TBC1D1: variants seen among roughly 807,000 people sequenced by gnomAD.
TBC1D1 encodes TBC1 domain family member 1.
TBC1D1 carries 89 observed loss-of-function variants against 125.6 expected under a neutral mutation model. The ratio of observed to expected loss-of-function variants is 0.71; its 90% CI spans 0.60 to 0.85. The LOEUF is 0.85. TBC1D1 is among the 40% of genes least tolerant of loss of function. The pLI is 0.00. For missense variants in TBC1D1, 1,377 were observed against 1,469.2 expected, an observed-to-expected ratio of 0.94 and a Z score of 1.03; for synonymous variants, 565 against 564.1, an observed-to-expected ratio of 1.00 and a Z score of -0.02.
chr4:38,076,848 G>A (rs767248338), intron 12 of TBC1D1, among the ~76,000 whole-genome samples: 8 of 152,018 alleles, frequency 5.3e-5, no homozygotes, highest in South Asian at 2.1e-4. Flanking sequence ...TCCTGGGCCC[G>A]AGAGGGAAAA....
At chr4:38,052,724 G>GCA (rs1553926648) in intron 11 of TBC1D1, among the ~76,000 whole-genome samples, 8 of 59,958 alleles carry the variant, frequency 1.3e-4, no homozygotes, top group Admixed American at 6.2e-4. Context: ...GCGCGCGCGC[G>GCA]CGCGCACACA....
intron 14 of TBC1D1, among the ~76,000 whole-genome samples, chr4:38,097,567 C>T (rs1759578219): frequency 6.6e-6 from 1 of 152,170 alleles, no homozygotes; most frequent in African/African-American, 2.4e-5. Flanking sequence ...TGGTCTCGAT[C>T]TCCTGACCTC....
chr4:37,995,980 C>A lies in TBC1D1; in HGVS notation c.418-18529C>A. ...TTCTTCTCTTGCCTCTCTGTTTCTA[C>A]CTCATCCTTGGGTGGGGGTTCTGGG... On this transcript the variant is annotated intron_variant, in intron 2 of 19. Coordinates refer to ENST00000261439, the MANE Select transcript of TBC1D1 (RefSeq NM_015173.4). The surrounding 1 kb of genome is among the most constrained non-coding windows in gnomAD (Gnocchi z 4.3). The A allele has an allele frequency of 1.8e-6, 1 of 544,564 alleles. No individual in the cohort carries two copies. 33.7% of individuals were successfully genotyped at this position (544,564 alleles called of 1,614,324 possible).
At chr4:37,935,993 A>G (rs1448000098) in intron 2 of TBC1D1, among the ~76,000 whole-genome samples, 1 of 152,120 alleles carries the variant, frequency 6.6e-6, no homozygotes, top group Non-Finnish European at 1.5e-5. Flanking sequence ...CACTTCCCCC[A>G]GGAGGCCTTC....
chr4:38,045,648 A>T (rs74738451), intron 9 of TBC1D1, among the ~76,000 whole-genome samples, 169 bp from the exon 10 acceptor site: 128 of 152,278 alleles, frequency 8.4e-4, no homozygotes, highest in East Asian at 7.9e-3. Context: ...TTTATTTTTT[A>T]AAAAAATGAT....
At chr4:37,950,751 T>C (rs1454316930) in intron 2 of TBC1D1, among the ~76,000 whole-genome samples, 1 of 151,166 alleles carries the variant, frequency 6.6e-6, no homozygotes, top group Admixed American at 6.6e-5. Context: ...TACAATGACA[T>C]GTAGTCACTT....
At chr4:37,920,075 T>G (rs889406960) in intron 2 of TBC1D1, among the ~76,000 whole-genome samples, 1 of 152,340 alleles carries the variant, frequency 6.6e-6, no homozygotes, top group African/African-American at 2.4e-5. Context: ...ATAACGCCAC[T>G]GCACTCCGGC....
chr4:37,918,710 A>G (rs1720260172), intron 2 of TBC1D1, among the ~76,000 whole-genome samples: 1 of 152,188 alleles, frequency 6.6e-6, no homozygotes, highest in Non-Finnish European at 1.5e-5. Context: ...GGCTTCCCAA[A>G]GTGCTGGGAT....
chr4:38,082,346 T>G (rs1756718917), intron 12 of TBC1D1, among the ~76,000 whole-genome samples: 1 of 152,138 alleles, frequency 6.6e-6, no homozygotes, highest in Admixed American at 6.5e-5. Context: ...CATGGTGGGC[T>G]TTTCCACCCC....
intron 2 of TBC1D1, among the ~76,000 whole-genome samples, chr4:37,922,400 T>C (rs76932524): frequency 0.021 from 3,269 of 152,282 alleles, 118 homozygotes; most frequent in African/African-American, 0.075. Flanking sequence ...TGTGTAACTC[T>C]AACTACAAGG....
At chr4:38,076,185 T>C (rs1755566176) in intron 12 of TBC1D1, among the ~76,000 whole-genome samples, 1 of 152,084 alleles carries the variant, frequency 6.6e-6, no homozygotes, top group Non-Finnish European at 1.5e-5. Context: ...GAAGCAAACA[T>C]GTCCTTCACA....
At chr4:38,133,353 A>G (rs1411659035) in intron 19 of TBC1D1, 96 bp downstream of exon 21, 4 of 1,163,050 alleles carry the variant, frequency 3.4e-6, no homozygotes, top group Non-Finnish European at 3.7e-6. Flanking sequence ...TCCCATGACC[A>G]GAGGACCTTT....
At chr4:37,942,137 C>T (rs1725694289) in intron 2 of TBC1D1, among the ~76,000 whole-genome samples, 1 of 152,120 alleles carries the variant, frequency 6.6e-6, no homozygotes, top group African/African-American at 2.4e-5. Flanking sequence ...TAAAGTCTCC[C>T]ATTATTATTG....
chr4:38,082,419 G>T (rs1421013942), intron 12 of TBC1D1, among the ~76,000 whole-genome samples: 1 of 152,206 alleles, frequency 6.6e-6, no homozygotes, highest in Non-Finnish European at 1.5e-5. Context: ...ATGGTAATAG[G>T]ATAGGGCAAA....
intron 1 of TBC1D1, among the ~76,000 whole-genome samples, chr4:37,901,276 C>T (rs969238745): frequency 1.3e-5 from 2 of 151,956 alleles, no homozygotes; most frequent in African/African-American, 4.8e-5. Flanking sequence ...CCTGCCTCAG[C>T]CTCCTGAGTA....
intron 12 of TBC1D1, among the ~76,000 whole-genome samples, chr4:38,085,058 A>G (rs191327142): frequency 6.6e-6 from 1 of 152,346 alleles, no homozygotes; most frequent in Non-Finnish European, 1.5e-5. Flanking sequence ...CGATCATGGC[A>G]TTGATTCTGT....
rs573731093 is a variant in TBC1D1 at position 38,120,235 on chromosome 4, C to T, written c.2962+2043C>T. The T allele has an allele frequency of 6.8e-5, 37 of 544,494 alleles. 1 individual carries two copies. In the Admixed American group the frequency reaches 1.5e-3, roughly 21 times the overall value. 33.7% of individuals were successfully genotyped at this position (544,494 alleles called of 1,614,324 possible). ...CAGACTCCTGCTGTGCTAAGTGGGT[C>T]GTTGTCCAGCTGGCCAAGGGCTCCT... On this transcript the variant is annotated intron_variant, in intron 17 of 19. Transcript: ENST00000261439.
intron 2 of TBC1D1, among the ~76,000 whole-genome samples, chr4:37,902,973 A>G (rs1394878278): frequency 6.6e-6 from 1 of 152,240 alleles, no homozygotes; most frequent in Non-Finnish European, 1.5e-5. Context: ...TTTGAGTGGC[A>G]AAGTTCTAAA....
Position 38,014,449 on chromosome 4 carries a change from C to A in TBC1D1, c.418-60C>A, listed in dbSNP as rs984513617. 2.6e-6 allele frequency: 4 copies of A among 1,530,468 alleles called. No homozygotes were observed. Among genetic ancestry groups the A allele is most frequent in the South Asian group, 1.2e-5 (1 of 84,928 alleles). The allele number at this position is 1,530,468 out of a possible 1,614,324, so 94.8% of individuals were successfully genotyped here. On this transcript the variant is annotated intron_variant, in intron 2 of 19. Coordinates refer to ENST00000261439, the MANE Select transcript of TBC1D1 (RefSeq NM_015173.4). This position sits in a 1 kb window ranked among gnomAD's most constrained non-coding sequence, Gnocchi z 5.1. ...GCGTCCCGAAAGAGCATGGTGCATT[C>A]ATTCCGTGAGTGCCAGCCACACTGC...
Sources: allele counts gnomAD v4.1 joint callset (sites outside exome capture counted in the v4.1 genomes callset), GRCh38; gene constraint gnomAD v4.1.1; non-coding constraint Gnocchi (gnomAD v3.1); transcripts MANE v1.5; gene names NCBI Gene and HGNC (gene_info 2026-07-23, HGNC 2026-07-21).